Variants in PLEKHF2 observed in about 807,000 individuals in gnomAD.
The protein encoded by PLEKHF2 is pleckstrin homology domain-containing family F member 2.
Under a neutral mutation model 14.7 loss-of-function variants are expected in PLEKHF2, and 4 were observed. The observed-to-expected ratio is 0.27, with a 90% confidence interval of 0.13 to 0.62. PLEKHF2 has a LOEUF of 0.62. Ranked by LOEUF, PLEKHF2 falls within the 20% of genes least tolerant of loss-of-function variation. The pLI, the probability that PLEKHF2 is intolerant of heterozygous loss-of-function variation, is 0.85. For synonymous variants in PLEKHF2, 90 were observed against 103.5 expected (o/e 0.87, Z 0.79); for missense variants, 201 against 307.7 (o/e 0.65, Z 2.60).
At chr8:95,141,959 A>C (rs531171337) in intron 1 of PLEKHF2, among the ~76,000 whole-genome samples, 1 of 152,230 alleles carries the variant, frequency 6.6e-6, no homozygotes, top group South Asian at 2.1e-4. Context: ...CAAATGCTGT[A>C]TTCTCTGTGC....
At chr8:95,153,980 A>G (rs2165499) in intron 1 of PLEKHF2, 51 bp from the exon 2 acceptor site, 587 of 1,298,482 alleles carry the variant, frequency 4.5e-4, no homozygotes, top group Non-Finnish European at 5.2e-4. Flanking sequence ...TAATTAACTT[A>G]TAGGAATTTA....
At chr8:95,147,765 C>G (rs901413092) in intron 1 of PLEKHF2, among the ~76,000 whole-genome samples, 2 of 151,858 alleles carry the variant, frequency 1.3e-5, no homozygotes, top group African/African-American at 4.8e-5. Context: ...AATATGAAAA[C>G]AGTTTTGAGA....
chr8:95,136,329 TATATACACACACAC>T lies in PLEKHF2; in HGVS notation c.-15+2301_-15+2314del, dbSNP rs1427955655. 4.6e-3 allele frequency among the ~76,000 whole-genome samples: 292 copies of T among 63,076 alleles called. 1 individual carries two copies. The highest frequency in any genetic ancestry group is 0.022 in the African/African-American group (263 of 12,092). 41.4% of individuals were successfully genotyped at this position (63,076 alleles called of 152,430 possible). On this transcript the variant is annotated intron_variant, in intron 1 of 1. Coordinates refer to ENST00000315367, the MANE Select transcript of PLEKHF2 (RefSeq NM_024613.4). ...TAAATCCACAGATTGGTTTTTATTA[TATATACACACACAC>T]ACACACACACACACACACACACACA...
intron 1 of PLEKHF2, among the ~76,000 whole-genome samples, chr8:95,152,181 A>G (rs1810571396): frequency 6.6e-6 from 1 of 152,050 alleles, no homozygotes; most frequent in East Asian, 1.9e-4. Flanking sequence ...TTCCCTTGTC[A>G]CTGGTTTTAG....
rs540352268 is a variant in PLEKHF2, at chr8:95,153,901, T to G, written c.-14-130T>G. ...CTTTTGATGTGCTTAGTGATTATCT[T>G]AGAGGGAAAGAATTTTAGAACATTT... On this transcript the variant is annotated intron_variant, in intron 1 of 1. Coordinates refer to ENST00000315367, the MANE Select transcript of PLEKHF2 (RefSeq NM_024613.4). The G allele has an allele frequency of 4.1e-5, 27 of 664,020 alleles. No homozygotes were observed. In the South Asian group the frequency reaches 1.0e-3, roughly 25 times the overall value. The allele number at this position is 664,020 out of a possible 1,614,324, so 41.1% of individuals were successfully genotyped here.
At chr8:95,140,979 C>T (rs1465314640) in intron 1 of PLEKHF2, among the ~76,000 whole-genome samples, 1 of 152,052 alleles carries the variant, frequency 6.6e-6, no homozygotes, top group Non-Finnish European at 1.5e-5. Flanking sequence ...ATAATCTTTC[C>T]TATAGAAACA....
chr8:95,146,025 G>A (rs1362691931), intron 1 of PLEKHF2, among the ~76,000 whole-genome samples: 1 of 151,920 alleles, frequency 6.6e-6, no homozygotes, highest in Non-Finnish European at 1.5e-5. Flanking sequence ...TACATTTTCG[G>A]TAAAGTTTCA....
chr8:95,138,356 C>CA (rs1810401394), intron 1 of PLEKHF2, among the ~76,000 whole-genome samples: 1 of 55,238 alleles, frequency 1.8e-5, no homozygotes, highest in Non-Finnish European at 3.0e-5. Context: ...TTCATCTTCC[C>CA]CCCCCCCCCG....
intron 1 of PLEKHF2, among the ~76,000 whole-genome samples, chr8:95,142,554 T>C (rs1810450633): frequency 6.6e-6 from 1 of 152,226 alleles, no homozygotes; most frequent in Admixed American, 6.5e-5. Context: ...ATGCCCAAGC[T>C]ATTTTTTAGA....
intron 1 of PLEKHF2, among the ~76,000 whole-genome samples, chr8:95,148,324 T>C (rs992502273): frequency 5.3e-5 from 8 of 152,064 alleles, no homozygotes; most frequent in Admixed American, 4.6e-4. Context: ...TTTTCTGATA[T>C]GCCAGAGACT....
chr8:95,150,105 C>A (rs1284190682), intron 1 of PLEKHF2, among the ~76,000 whole-genome samples: 2 of 152,080 alleles, frequency 1.3e-5, no homozygotes, highest in African/African-American at 4.8e-5. Flanking sequence ...ACTTTGATTT[C>A]CCTTTTGATA....
At position 95,154,638 on chromosome 8, in the gene PLEKHF2, T is replaced by A. The variant is rs1484778920; in HGVS notation, c.594T>A (p.Ser198=). Residue 198 remains serine (S), a synonymous_variant, in exon 2 of 2, where the codon TCT becomes TCA. Transcript: ENST00000315367. This position sits in a 1 kb window ranked among gnomAD's most constrained non-coding sequence, Gnocchi z 5.6. ...EKRFLLPSQS[S]KPVRICDFCY... is the part of the protein sequence containing the mutation. ...GATTTCTTCTTCCCAGCCAGTCCTC[T>A]AAGCCTGTGCGGATTTGTGACTTCT... 6.2e-6 allele frequency: 10 copies of A among 1,614,184 alleles called. No individual in the cohort carries two copies. The highest frequency in any genetic ancestry group is 8.5e-6 in the Non-Finnish European group (10 of 1,180,012).
Position 95,154,017 on chromosome 8 carries a change from C to T in PLEKHF2, c.-14-14C>T. The stretch of plus-strand genomic sequence containing the variant: ...AATTTATATGTGCTAATTTCTTTTT[C>T]TTTTTTTTAAAAGGCTATTAGTGAA... On this transcript the variant is annotated splice_polypyrimidine_tract_variant and intron_variant, in intron 1 of 1. Transcript: ENST00000315367. This position sits in a 1 kb window ranked among gnomAD's most constrained non-coding sequence, Gnocchi z 5.6. 1.4e-5 allele frequency: 20 copies of T among 1,479,908 alleles called. No individual in the cohort carries two copies. Among genetic ancestry groups the T allele is most frequent in the Non-Finnish European group, 1.7e-5 (19 of 1,111,860 alleles). The allele number at this position is 1,479,908 out of a possible 1,614,324, so 91.7% of individuals were successfully genotyped here.
chr8:95,134,312 G>A (rs1474263940), intron 1 of PLEKHF2: 1 of 148,144 alleles, frequency 6.8e-6, no homozygotes, highest in African/African-American at 2.6e-5. Context: ...CCGCCGCCGC[G>A]GGGGGACGGG....
At chr8:95,153,305 G>C (rs746779713) in intron 1 of PLEKHF2, among the ~76,000 whole-genome samples, 4 of 152,136 alleles carry the variant, frequency 2.6e-5, no homozygotes, top group Admixed American at 1.3e-4. Flanking sequence ...AGCTGCAGTA[G>C]TAAGTAGTAA....
At chr8:95,147,654 C>T (rs1033240682) in intron 1 of PLEKHF2, among the ~76,000 whole-genome samples, 1 of 151,658 alleles carries the variant, frequency 6.6e-6, no homozygotes, top group Non-Finnish European at 1.5e-5. Context: ...CATTAATTTC[C>T]CCCAATTATG....
chr8:95,143,638 TGCCGAGCTTAGAGGTAGGGAAAGAA>T (rs1810460925), intron 1 of PLEKHF2, among the ~76,000 whole-genome samples: 1 of 152,162 alleles, frequency 6.6e-6, no homozygotes, highest in African/African-American at 2.4e-5. Context: ...AGGGAGGACA[TGCCGAGCTTAGAGGTAGGGAAAGAA>T]GCCCAGAGCA....
intron 1 of PLEKHF2, among the ~76,000 whole-genome samples, chr8:95,153,798 C>G (rs946148713): frequency 6.6e-6 from 1 of 152,028 alleles, no homozygotes; most frequent in Non-Finnish European, 1.5e-5. Flanking sequence ...TTACAAATAC[C>G]TGCTTAACTA....
intron 1 of PLEKHF2, among the ~76,000 whole-genome samples, chr8:95,152,625 T>C (rs904455412): frequency 6.6e-6 from 1 of 152,102 alleles, no homozygotes; most frequent in South Asian, 2.1e-4. Context: ...ATTAGAAACC[T>C]TTCCAGTTTG....
Sources: allele counts gnomAD v4.1 joint callset (sites outside exome capture counted in the v4.1 genomes callset), GRCh38; gene constraint gnomAD v4.1.1; non-coding constraint Gnocchi (gnomAD v3.1); transcripts MANE v1.5; gene names NCBI Gene and HGNC (gene_info 2026-07-23, HGNC 2026-07-21).